BNC2: variants seen among roughly 807,000 people sequenced by gnomAD.
BNC2 encodes zinc finger protein basonuclin-2.
Under a neutral mutation model 76.3 loss-of-function variants are expected in BNC2, and 20 were observed. The ratio of observed to expected loss-of-function variants is 0.26; its 90% CI spans 0.18 to 0.38. The LOEUF (loss-of-function observed/expected upper bound fraction) is 0.38, where lower values mean the gene tolerates loss of function less well. BNC2 is among the 10% of genes least tolerant of loss of function. The pLI is 1.00. For missense variants in BNC2, 1,382 were observed against 1,399.8 expected (o/e 0.99, Z 0.20); for synonymous variants, 582 against 514.8 (o/e 1.13, Z -1.77).
chr9:16,844,626 G>C (rs1256702562), intron 1 of BNC2, among the ~76,000 whole-genome samples: 2 of 151,088 alleles, frequency 1.3e-5, no homozygotes, highest in African/African-American at 4.9e-5. Context: ...AGCCTCCCGA[G>C]TAGCTGGGAC....
intron 5 of BNC2, among the ~76,000 whole-genome samples, chr9:16,480,708 G>A (rs1448592283): frequency 6.6e-6 from 1 of 152,236 alleles, no homozygotes; most frequent in Non-Finnish European, 1.5e-5. Flanking sequence ...CACTGGCGCT[G>A]TACTTGATTT....
At chr9:16,706,584 A>T (rs1391712493) in intron 3 of BNC2, among the ~76,000 whole-genome samples, 1 of 152,200 alleles carries the variant, frequency 6.6e-6, no homozygotes, top group Non-Finnish European at 1.5e-5. Context: ...ATAAAATAAA[A>T]CCAAATTGTC....
At chr9:16,514,252 T>C (rs1230690835) in intron 5 of BNC2, among the ~76,000 whole-genome samples, 1 of 152,226 alleles carries the variant, frequency 6.6e-6, no homozygotes, top group Non-Finnish European at 1.5e-5. Flanking sequence ...TGAGAGTTAC[T>C]AGGTTTCAAA....
At chr9:16,722,019 G>C (rs1824171815) in intron 3 of BNC2, among the ~76,000 whole-genome samples, 1 of 152,196 alleles carries the variant, frequency 6.6e-6, no homozygotes, top group Admixed American at 6.5e-5. Flanking sequence ...AAGCTTTGCA[G>C]ACAGATGACG....
At chr9:16,863,920 TA>T (rs1160488168) in intron 1 of BNC2, among the ~76,000 whole-genome samples, 1 of 151,980 alleles carries the variant, frequency 6.6e-6, no homozygotes, top group Non-Finnish European at 1.5e-5. Context: ...TCTCCTAGTT[TA>T]AAAAAGAAAA....
chr9:16,517,050 G>C lies in BNC2; in HGVS notation c.669+35480C>G, dbSNP rs112549344. Among the ~76,000 whole-genome samples the C allele has an allele frequency of 1.2e-3, 176 of 152,158 alleles. 1 individual carries two copies. The highest frequency in any genetic ancestry group is 1.3e-3 in the Non-Finnish European group (87 of 68,028). On this transcript the variant is annotated intron_variant, in intron 5 of 6. Coordinates refer to ENST00000380672, the MANE Select transcript of BNC2 (RefSeq NM_017637.6). ...TATCCAGACGAAGCCAAAAAGTTTG[G>C]ATACTGCTGTGTTGTTCTAAACTGA...
intron 3 of BNC2, among the ~76,000 whole-genome samples, chr9:16,615,718 T>C (rs990094785): frequency 6.6e-6 from 1 of 152,236 alleles, no homozygotes; most frequent in Non-Finnish European, 1.5e-5. Flanking sequence ...TTAAATAAAT[T>C]TGTATGCTTT....
intron 6 of BNC2, chr9:16,421,239 G>A: frequency 7.7e-7 from 1 of 1,293,794 alleles, no homozygotes. Context: ...CTCTCCAACT[G>A]CACTTAGGAA....
At chr9:16,554,162 T>G (rs953555258) in intron 4 of BNC2, among the ~76,000 whole-genome samples, 3 of 152,208 alleles carry the variant, frequency 2.0e-5, no homozygotes, top group African/African-American at 7.2e-5. Flanking sequence ...TTATCCCTAA[T>G]GGTACGGGCT....
intron 1 of BNC2, among the ~76,000 whole-genome samples, chr9:16,783,406 CTACAAG>C (rs2135569945): frequency 1.3e-5 from 2 of 152,268 alleles, no homozygotes; most frequent in South Asian, 4.1e-4. Context: ...AAATGTTACT[CTACAAG>C]TACAATATTT....
chr9:16,591,969 A>G (rs991093626), intron 3 of BNC2, among the ~76,000 whole-genome samples: 3 of 152,176 alleles, frequency 2.0e-5, no homozygotes, highest in Non-Finnish European at 4.4e-5. Context: ...GAAAAAACAC[A>G]TTAGATCTTA....
chr9:16,512,904 G>A, intron 5 of BNC2, among the ~76,000 whole-genome samples: 1 of 121,130 alleles, frequency 8.3e-6, no homozygotes. Context: ...GGGAGGCTGA[G>A]GGGGGAAGAT....
chr9:16,755,990 A>G (rs916348086), intron 1 of BNC2, among the ~76,000 whole-genome samples: 1 of 152,200 alleles, frequency 6.6e-6, no homozygotes, highest in African/African-American at 2.4e-5. Flanking sequence ...CGTCTAAGTC[A>G]TGTGCCAAAC....
At chr9:16,774,588 T>C (rs576235617) in intron 1 of BNC2, among the ~76,000 whole-genome samples, 93 of 152,342 alleles carry the variant, frequency 6.1e-4, no homozygotes, top group African/African-American at 2.1e-3. Context: ...AACTTACAAA[T>C]AAGGCTTTTA....
At chr9:16,501,361 C>T (rs1022148856) in intron 5 of BNC2, among the ~76,000 whole-genome samples, 62 of 152,190 alleles carry the variant, frequency 4.1e-4, no homozygotes, top group South Asian at 2.1e-4. Flanking sequence ...TTCCTCAACA[C>T]ACCTCTTGAC....
intron 3 of BNC2, among the ~76,000 whole-genome samples, chr9:16,668,976 C>T (rs1337020862): frequency 2.0e-5 from 3 of 152,084 alleles, no homozygotes; most frequent in Non-Finnish European, 2.9e-5. Flanking sequence ...CTTTACTGTT[C>T]CTTCTGTCTC....
rs116166509 is a variant in BNC2, at chr9:16,847,242, A to T, written c.3+23404T>A. Reference sequence around the variant, plus strand: ...CGCAGCTCAAAACAAAGTTTTTGGCACTATATGACAGAGAACTTAAACCAA... The same window carrying T: ...CGCAGCTCAAAACAAAGTTTTTGGCTCTATATGACAGAGAACTTAAACCAA... On this transcript the variant is annotated intron_variant, in intron 1 of 6. Coordinates refer to ENST00000380672, the MANE Select transcript of BNC2 (RefSeq NM_017637.6). Among the ~76,000 whole-genome samples, 422 of 152,292 alleles carry T rather than the reference A, an allele frequency of 2.8e-3. 1 individual carries two copies. Among genetic ancestry groups the T allele is most frequent in the African/African-American group, 9.5e-3 (393 of 41,562 alleles).
intron 1 of BNC2, among the ~76,000 whole-genome samples, chr9:16,784,125 T>C (rs572395224): frequency 3.3e-5 from 5 of 152,144 alleles, no homozygotes; most frequent in Non-Finnish European, 5.9e-5. Flanking sequence ...AACATGACTA[T>C]CTTCTTAGTC....
intron 1 of BNC2, among the ~76,000 whole-genome samples, chr9:16,827,396 C>T (rs1231092335): frequency 1.3e-5 from 2 of 152,080 alleles, no homozygotes; most frequent in African/African-American, 4.8e-5. Flanking sequence ...CTCAGTGGGA[C>T]CCACTGAACA....
Sources: gnomAD v4.1 joint callset for allele counts (sites outside exome capture counted in the v4.1 genomes callset) on GRCh38, gnomAD v4.1.1 for gene constraint, MANE v1.5 for transcripts, NCBI Gene and HGNC (gene_info 2026-07-23, HGNC 2026-07-21) for gene names.